KTN1: variants seen among roughly 807,000 people sequenced by gnomAD.
The protein encoded by KTN1 is kinectin.
Under a neutral mutation model 222.5 loss-of-function variants are expected in KTN1, and 130 were observed. That is an observed-to-expected ratio of 0.58 (90% CI 0.51 to 0.68). KTN1 has a LOEUF of 0.68. KTN1 is among the 30% of genes least tolerant of loss of function. The pLI, the probability that KTN1 is intolerant of heterozygous loss-of-function variation, is 0.00. For synonymous variants in KTN1, 512 were observed against 496.3 expected (o/e 1.03, Z -0.42); for missense variants, 1,508 against 1,500.4 (o/e 1.01, Z -0.08).
chr14:55,590,759 G>A (rs550414797), intron 1 of KTN1, among the ~76,000 whole-genome samples: 63 of 151,108 alleles, frequency 4.2e-4, no homozygotes, highest in Non-Finnish European at 7.5e-4. Flanking sequence ...GACTGCAACC[G>A]CTGCCTCCTA....
At chr14:55,653,118 T>A in intron 27 of KTN1, 33 bp downstream of exon 27, 1 of 1,292,538 alleles carries the variant, frequency 7.7e-7, no homozygotes, top group South Asian at 1.2e-5. Context: ...ACATGTTACA[T>A]AAGGAATGAT....
intron 25 of KTN1, 61 bp downstream of exon 25, chr14:55,651,988 T>C: frequency 9.7e-7 from 1 of 1,026,412 alleles, no homozygotes; most frequent in Non-Finnish European, 1.5e-6. Context: ...AATAGAAGTA[T>C]AATGAAAATT....
intron 12 of KTN1, among the ~76,000 whole-genome samples, 153 bp from the exon 13 acceptor site, chr14:55,639,028 ATAGT>A (rs2041461266): frequency 1.3e-5 from 2 of 151,818 alleles, no homozygotes; most frequent in South Asian, 4.1e-4. Context: ...TTTCAGAATG[ATAGT>A]TACTCTTTAT....
intron 25 of KTN1, 76 bp downstream of exon 25, chr14:55,652,003 C>A: frequency 1.1e-6 from 1 of 915,738 alleles, no homozygotes; most frequent in Non-Finnish European, 1.7e-6. Context: ...AAAATTATAG[C>A]TTCTTGATTT....
chr14:55,664,021 A>G lies in KTN1; in HGVS notation c.3157A>G (p.Lys1053Glu). 3.1e-6 allele frequency: 5 copies of G among 1,611,708 alleles called. No homozygotes were observed. Among genetic ancestry groups the G allele is most frequent in the South Asian group, 1.1e-5 (1 of 90,864 alleles). The change falls in exon 33 of 44, where the codon AAA becomes GAA. Residue 1053 changes from lysine to glutamate, a missense_variant. Transcript: ENST00000395314. ...ATCAACTGAAAAAATGCTGCAGGAC[A>G]AAGTGAACAAGACTTCCAAGGTTGT... ...LASTEKMLQD[K>E]VNKTSKERQQ...
At chr14:55,600,799 AC>A (rs1294056016) in intron 1 of KTN1, among the ~76,000 whole-genome samples, 2 of 151,988 alleles carry the variant, frequency 1.3e-5, no homozygotes, top group African/African-American at 4.8e-5. Flanking sequence ...TGATTTGAAA[AC>A]TGATTTGAAA....
chr14:55,668,759 G>A (rs2045139797), intron 34 of KTN1: 2 of 152,150 alleles, frequency 1.3e-5, no homozygotes, highest in African/African-American at 4.8e-5. Flanking sequence ...CCCAAACATA[G>A]AATCAACTAT....
At chr14:55,589,730 C>T (rs1399160885) in intron 1 of KTN1, among the ~76,000 whole-genome samples, 1 of 144,350 alleles carries the variant, frequency 6.9e-6, no homozygotes, top group Non-Finnish European at 1.5e-5. Flanking sequence ...ACGATCTCTG[C>T]TCACTGCAAC....
rs558205412 is a variant in KTN1 at position 55,635,422 on chromosome 14, C to G, written c.1461+764C>G. Among the ~76,000 whole-genome samples, 47 of 152,274 alleles carry G rather than the reference C, an allele frequency of 3.1e-4. No individual in the cohort carries two copies. In the South Asian group the frequency reaches 9.5e-3, roughly 31 times the overall value. On this transcript the variant is annotated intron_variant, in intron 9 of 43. Transcript: ENST00000395314. ...AGTAGGTCCAGCAGAACCTAGTTTTCTTTCAGCACTGGAATAGGTAGTTTT... is the reference window on the plus strand; with the variant it reads ...AGTAGGTCCAGCAGAACCTAGTTTTGTTTCAGCACTGGAATAGGTAGTTTT...
At chr14:55,586,294 T>C (rs181185382) in intron 1 of KTN1, among the ~76,000 whole-genome samples, 1 of 152,206 alleles carries the variant, frequency 6.6e-6, no homozygotes, top group African/African-American at 2.4e-5. Context: ...GCATGTGTGA[T>C]CTTAACCTAT....
intron 1 of KTN1, among the ~76,000 whole-genome samples, chr14:55,581,163 C>G (rs2031480048): frequency 6.6e-6 from 1 of 152,242 alleles, no homozygotes; most frequent in Non-Finnish European, 1.5e-5. Context: ...GTCTGGCTCT[C>G]AGCCATACGT....
intron 3 of KTN1, among the ~76,000 whole-genome samples, chr14:55,617,330 G>T (rs2038533468): frequency 1.3e-5 from 2 of 152,144 alleles, no homozygotes; most frequent in South Asian, 4.1e-4. Flanking sequence ...TCTGGGTGTG[G>T]AAGTTTGTAT....
intron 28 of KTN1, among the ~76,000 whole-genome samples, chr14:55,654,460 G>T (rs1311220720): frequency 6.6e-6 from 1 of 151,690 alleles, no homozygotes; most frequent in Non-Finnish European, 1.5e-5. Context: ...GAAAGCTTAG[G>T]GCCTCATTTC....
intron 7 of KTN1, 93 bp downstream of exon 7, chr14:55,630,190 G>A: frequency 8.8e-7 from 1 of 1,141,698 alleles, no homozygotes; most frequent in Non-Finnish European, 1.3e-6. Context: ...GCCCTTTCTT[G>A]GGCCATCAAC....
intron 32 of KTN1, chr14:55,663,429 C>T (rs1290672371): frequency 1.2e-5 from 2 of 165,000 alleles, no homozygotes; most frequent in Non-Finnish European, 2.6e-5. Context: ...AATGTTTGGC[C>T]ATGCCAAGAA....
chr14:55,587,187 A>G (rs568263158), intron 1 of KTN1, among the ~76,000 whole-genome samples: 1 of 152,308 alleles, frequency 6.6e-6, no homozygotes, highest in Admixed American at 6.5e-5. Flanking sequence ...ATGCTTGAAA[A>G]TGATTGGGAC....
At chr14:55,616,382 T>A in intron 2 of KTN1, 135 bp from the exon 3 acceptor site, 5 of 685,078 alleles carry the variant, frequency 7.3e-6, no homozygotes, top group South Asian at 4.5e-5. Context: ...CTAGAAAAAG[T>A]TATTGGTGAG....
intron 1 of KTN1, among the ~76,000 whole-genome samples, chr14:55,599,373 C>G (rs917684585): frequency 6.6e-6 from 1 of 152,126 alleles, no homozygotes; most frequent in African/African-American, 2.4e-5. Flanking sequence ...ACTGTACGGA[C>G]TAGATTGGAC....
chr14:55,652,437 C>T (rs192229192), intron 25 of KTN1, among the ~76,000 whole-genome samples: 4,543 of 129,360 alleles, frequency 0.035, 199 homozygotes, highest in African/African-American at 0.11. Context: ...CTCGCTCTGT[C>T]GCCCAGGCTG....
Sources: gnomAD v4.1 joint callset for allele counts (sites outside exome capture counted in the v4.1 genomes callset) on GRCh38, gnomAD v4.1.1 for gene constraint, MANE v1.5 for transcripts, NCBI Gene and HGNC (gene_info 2026-07-23, HGNC 2026-07-21) for gene names.